Variants in PLA2G4C observed in about 807,000 individuals in gnomAD.
PLA2G4C encodes cytosolic phospholipase A2 gamma.
A neutral mutation model predicts 73.8 loss-of-function variants in PLA2G4C; 64 were observed. The ratio of observed to expected loss-of-function variants is 0.87; its 90% CI spans 0.71 to 1.07. The LOEUF is 1.07. PLA2G4C is among the 50% of genes least tolerant of loss of function. The probability of loss-of-function intolerance (pLI) is 0.00; values close to 1 mark genes in which losing one functional copy is unlikely to be tolerated. For missense variants in PLA2G4C, 622 were observed against 665.4 expected (o/e 0.93, Z 0.72); for synonymous variants, 254 against 252.1 (o/e 1.01, Z -0.07).
intron 5 of PLA2G4C, 126 bp downstream of exon 5, chr19:48,099,545 G>A: frequency 1.5e-6 from 1 of 650,372 alleles, no homozygotes; most frequent in Non-Finnish European, 2.6e-6. Flanking sequence ...GAAGTGCCCA[G>A]ATTTTGATGA....
rs1355801984 is a variant in PLA2G4C, at chr19:48,090,119, A to G, written c.763+245T>C. The G allele has an allele frequency of 6.1e-6, 3 of 490,834 alleles. No individual in the cohort carries two copies. The East Asian group carries it at 1.0e-4, about 17-fold the overall frequency. The allele number at this position is 490,834 out of a possible 1,614,324, so 30.4% of individuals were successfully genotyped here. A position where few individuals can be genotyped will look rare whatever the true frequency, so the allele number is the denominator to read the frequency against. The stretch of plus-strand genomic sequence containing the variant: ...CAGAAACCGAGGCACAGAGAGGTTA[A>G]GTAACTTTTCGGAGGTCACAAAGCT... On this transcript the variant is annotated intron_variant, in intron 8 of 16. Coordinates refer to ENST00000599921, the MANE Select transcript of PLA2G4C (RefSeq NM_003706.3).
intron 4 of PLA2G4C, among the ~76,000 whole-genome samples, chr19:48,102,691 A>T (rs954600655): frequency 2.6e-5 from 4 of 152,104 alleles, no homozygotes; most frequent in African/African-American, 9.7e-5. Flanking sequence ...CTGGCTGCAA[A>T]AAACATTTGA....
chr19:48,051,790 C>A (rs969042029), intron 16 of PLA2G4C: 4 of 151,196 alleles, frequency 2.6e-5, no homozygotes, highest in Non-Finnish European at 4.4e-5. Context: ...GTGGAGATAT[C>A]TGTGGCCTTT....
chr19:48,105,466 G>A, intron 2 of PLA2G4C, 22 bp from the exon 3 acceptor site: 1 of 1,572,550 alleles, frequency 6.4e-7, no homozygotes. Context: ...AAAACACAAA[G>A]AAGTCCAGAA....
At chr19:48,071,418 G>A (rs193087326) in intron 12 of PLA2G4C, among the ~76,000 whole-genome samples, 22 of 152,164 alleles carry the variant, frequency 1.4e-4, no homozygotes, top group African/African-American at 3.9e-4. Flanking sequence ...AGCCTCCCAA[G>A]TAGCTAGGAT....
In PLA2G4C at chr19:48,074,777, G is replaced by A. The variant is rs533962776; in HGVS notation, c.996C>T (p.Pro332=). The A allele has an allele frequency of 1.9e-5, 31 of 1,609,842 alleles. No individual in the cohort carries two copies. Among genetic ancestry groups the A allele is most frequent in the South Asian group, 6.6e-5 (6 of 90,986 alleles). ...LEKQEQPHED[P]ERKGSLSNLM... ...CACTACACATGGTACCTTTCCTTTC[G>A]GGGTCCTCATGGGGCTGCTCCTGCT... Residue 332 remains proline (P), a synonymous_variant, in exon 12 of 17, where the codon CCC becomes CCT. Coordinates refer to ENST00000599921, the MANE Select transcript of PLA2G4C (RefSeq NM_003706.3).
chr19:48,105,941 C>CTTTCTTT (rs2032200950), intron 2 of PLA2G4C, among the ~76,000 whole-genome samples: 3 of 9,906 alleles, frequency 3.0e-4, no homozygotes, highest in Non-Finnish European at 4.6e-4. Context: ...CTCCCTCCCT[C>CTTTCTTT]CCTCCCTTCT....
At chr19:48,086,782 C>T (rs2031005326) in intron 9 of PLA2G4C, among the ~76,000 whole-genome samples, 1 of 152,182 alleles carries the variant, frequency 6.6e-6, no homozygotes, top group South Asian at 2.1e-4. Context: ...ATCACCACTG[C>T]ATGCACCACT....
chr19:48,086,374 C>A (rs2030979241), intron 9 of PLA2G4C, among the ~76,000 whole-genome samples: 1 of 152,156 alleles, frequency 6.6e-6, no homozygotes, highest in Non-Finnish European at 1.5e-5. Context: ...CTCTTCTGTG[C>A]AGCAGAGGCA....
rs559079915 is a variant in PLA2G4C at position 48,110,497 on chromosome 19, G to T, written c.-43C>A. The T allele has an allele frequency of 2.0e-6, 3 of 1,471,302 alleles. No individual in the cohort carries two copies. The highest frequency in any genetic ancestry group is 5.9e-5 in the East Asian group (2 of 33,784). 91.1% of individuals were successfully genotyped at this position (1,471,302 alleles called of 1,614,324 possible). A position where few individuals can be genotyped will look rare whatever the true frequency, so the allele number is the denominator to read the frequency against. ...GCCCCCACGGCTTGCCTGAGCCTGG[G>T]TCTGGGGCGTGTGCGCATGCGCGGT... On this transcript the variant is annotated 5_prime_UTR_variant, in exon 1 of 17. Transcript: ENST00000599921.
chr19:48,085,813 G>A (rs1002483996), intron 9 of PLA2G4C, among the ~76,000 whole-genome samples: 2 of 152,208 alleles, frequency 1.3e-5, no homozygotes, highest in African/African-American at 4.8e-5. Flanking sequence ...ACACCAGGGA[G>A]CCTGAAAGTC....
intron 9 of PLA2G4C, among the ~76,000 whole-genome samples, chr19:48,085,611 C>T (rs2030926952): frequency 6.6e-6 from 1 of 152,178 alleles, no homozygotes; most frequent in African/African-American, 2.4e-5. Context: ...GGACAAAACA[C>T]TGTGTAGAGA....
chr19:48,060,920 C>A (rs930869993), intron 14 of PLA2G4C, among the ~76,000 whole-genome samples: 5 of 151,818 alleles, frequency 3.3e-5, no homozygotes, highest in Non-Finnish European at 7.4e-5. Context: ...TATGTTTTAC[C>A]ATGATTATTT....
Position 48,053,043 on chromosome 19 carries a change from T to G in PLA2G4C, c.1534A>C (p.Arg512=). The change falls in exon 16 of 17, where the codon AGG becomes CGG. Residue 512 remains arginine (R), a synonymous_variant. Transcript: ENST00000599921. Reference sequence around the variant, plus strand: ...CTAAGGATCTTCTTCTTGTTTTCCCTGACATTCTTCTTGGCTAATGCCAAG... The same window carrying G: ...CTAAGGATCTTCTTCTTGTTTTCCCGGACATTCTTCTTGGCTAATGCCAAG... ...LLLALAKKNV[R]ENKKKILREL... is the part of the protein sequence containing the mutation. 1 of 1,613,592 alleles carries G rather than the reference T, an allele frequency of 6.2e-7. No homozygotes were observed. The highest frequency in any genetic ancestry group is 8.5e-7 in the Non-Finnish European group (1 of 1,179,588).
intron 4 of PLA2G4C, among the ~76,000 whole-genome samples, chr19:48,103,621 G>A (rs2032026425): frequency 1.3e-5 from 2 of 152,148 alleles, no homozygotes; most frequent in African/African-American, 4.8e-5. Context: ...CAACAAACAT[G>A]CAGACATGAG....
At chr19:48,061,269 A>C (rs1405737390) in intron 14 of PLA2G4C, 8 of 143,930 alleles carry the variant, frequency 5.6e-5, no homozygotes, top group African/African-American at 2.1e-4. Context: ...TCTCGAAAGG[A>C]GGCCATGAGG....
intron 7 of PLA2G4C, among the ~76,000 whole-genome samples, chr19:48,092,804 C>T (rs2031380425): frequency 6.6e-6 from 1 of 152,094 alleles, no homozygotes; most frequent in South Asian, 2.1e-4. Context: ...TCCAGTTTTA[C>T]AAGATGAAAA....
At chr19:48,098,387 A>C in intron 5 of PLA2G4C, 128 bp from the exon 6 acceptor site, 2 of 799,292 alleles carry the variant, frequency 2.5e-6, no homozygotes, top group Non-Finnish European at 3.7e-6. Context: ...GTGCAGTGGT[A>C]CAATAATGGG....
chr19:48,088,723 G>T lies in PLA2G4C; in HGVS notation c.764-11C>A. 2 of 1,594,394 alleles carry T rather than the reference G, an allele frequency of 1.3e-6. No homozygotes were observed. Among genetic ancestry groups the T allele is most frequent in the Non-Finnish European group, 1.7e-6 (2 of 1,161,864 alleles). On this transcript the variant is annotated splice_polypyrimidine_tract_variant and intron_variant, in intron 8 of 16. Coordinates refer to ENST00000599921, the MANE Select transcript of PLA2G4C (RefSeq NM_003706.3). ...GATTCCTTAACTGGTCTGCAAAAGA[G>T]TAGAAGCAGGAGGAATGTTTATCTG...
Sources: allele counts gnomAD v4.1 joint callset (sites outside exome capture counted in the v4.1 genomes callset), GRCh38; gene constraint gnomAD v4.1.1; transcripts MANE v1.5; gene names NCBI Gene and HGNC (gene_info 2026-07-23, HGNC 2026-07-21).